Variants in SPPL3 observed in about 807,000 individuals in gnomAD.
The protein encoded by SPPL3 is signal peptide peptidase like 3.
In SPPL3, 5 loss-of-function variants were observed where a neutral mutation model predicts 42.4. The observed-to-expected ratio is 0.12, with a 90% CI of 0.06 to 0.25. The LOEUF (loss-of-function observed/expected upper bound fraction) is 0.25. Among genes scored for constraint, SPPL3 ranks in the 10% least tolerant of loss-of-function variants. SPPL3 has a pLI of 1.00. For missense variants in SPPL3, 235 were observed against 489.0 expected (o/e 0.48, Z 4.90); for synonymous variants, 195 against 181.8 (o/e 1.07, Z -0.58).
At chr12:120,804,516 T>C (rs1212546427) in intron 2 of SPPL3, among the ~76,000 whole-genome samples, 1 of 152,026 alleles carries the variant, frequency 6.6e-6, no homozygotes, top group Admixed American at 6.5e-5. Context: ...ATTAAGAAAA[T>C]GCAAACCAAA....
chr12:120,896,539 G>A (rs1400599158), intron 1 of SPPL3, among the ~76,000 whole-genome samples: 1 of 152,116 alleles, frequency 6.6e-6, no homozygotes, highest in East Asian at 1.9e-4. Flanking sequence ...ATTTTAGGAG[G>A]CTGAGGCAGG....
In SPPL3 at chr12:120,866,527, G is replaced by A. The variant is rs575492214; in HGVS notation, c.23+37318C>T. The stretch of plus-strand genomic sequence containing the variant: ...AGTAAGGCATAATTTACCTTGAAAA[G>A]ACACCTCCACACATGGCAAAGTTTA... On this transcript the variant is annotated intron_variant, in intron 1 of 10. Coordinates refer to ENST00000353487, the MANE Select transcript of SPPL3 (RefSeq NM_139015.5). 7.2e-5 allele frequency among the ~76,000 whole-genome samples: 11 copies of A among 151,816 alleles called. 1 individual carries two copies. The South Asian group carries it at 2.3e-3, about 32-fold the overall frequency.
At chr12:120,892,401 C>A (rs75197970) in intron 1 of SPPL3, among the ~76,000 whole-genome samples, 1 of 152,210 alleles carries the variant, frequency 6.6e-6, no homozygotes, top group East Asian at 1.9e-4. Context: ...CTGCGCCAAT[C>A]AGAAAGAAGG....
intron 1 of SPPL3, among the ~76,000 whole-genome samples, chr12:120,877,880 G>A (rs1236735356): frequency 3.9e-5 from 6 of 152,002 alleles, no homozygotes; most frequent in Admixed American, 2.0e-4. Flanking sequence ...GTGTAGGCTG[G>A]GCATGGTGGC....
At chr12:120,860,841 C>T (rs12822123) in intron 1 of SPPL3, among the ~76,000 whole-genome samples, 62,533 of 151,874 alleles carry the variant, frequency 0.41, 14,469 homozygotes, top group Middle Eastern at 0.56. Context: ...TACAGTCCTC[C>T]CTATCTTTGG....
rs141129718 is a variant in SPPL3 at position 120,783,285 on chromosome 12, C to T, written c.389+389G>A. On this transcript the variant is annotated intron_variant, in intron 5 of 10. Coordinates refer to ENST00000353487, the MANE Select transcript of SPPL3 (RefSeq NM_139015.5). ...TTAAGGTGTGAACACTAGGATTAAA[C>T]GCAAGTAGGTAGCATATCTAGGCCA... Among the ~76,000 whole-genome samples, 42 of 152,236 alleles carry T rather than the reference C, an allele frequency of 2.8e-4. No homozygotes were observed. In the East Asian group the frequency reaches 5.4e-3, roughly 20 times the overall value.
chr12:120,836,344 A>G (rs1871620015), intron 1 of SPPL3, among the ~76,000 whole-genome samples: 1 of 152,158 alleles, frequency 6.6e-6, no homozygotes, highest in Admixed American at 6.5e-5. Flanking sequence ...CATGCAAGGA[A>G]GTCCAGGCTC....
intron 1 of SPPL3, among the ~76,000 whole-genome samples, chr12:120,844,691 C>T (rs1388233527): frequency 1.3e-5 from 2 of 151,662 alleles, no homozygotes; most frequent in Non-Finnish European, 2.9e-5. Context: ...TTATGGCTGG[C>T]TTTTGTTTTT....
chr12:120,833,900 A>C (rs1871522851), intron 1 of SPPL3, among the ~76,000 whole-genome samples: 1 of 151,984 alleles, frequency 6.6e-6, no homozygotes, highest in Non-Finnish European at 1.5e-5. Flanking sequence ...GCTACAGCTG[A>C]AAACTGAGAT....
chr12:120,836,262 T>C (rs1028350172), intron 1 of SPPL3, among the ~76,000 whole-genome samples: 3 of 152,070 alleles, frequency 2.0e-5, no homozygotes, highest in Non-Finnish European at 4.4e-5. Flanking sequence ...AAGCAGGCTG[T>C]GCCAGTTTTA....
At chr12:120,842,351 G>A (rs911677481) in intron 1 of SPPL3, among the ~76,000 whole-genome samples, 1 of 152,100 alleles carries the variant, frequency 6.6e-6, no homozygotes, top group Admixed American at 6.5e-5. Context: ...TAAGATAAGG[G>A]CAGAACATTA....
chr12:120,795,258 T>C (rs1234229660), intron 2 of SPPL3, among the ~76,000 whole-genome samples: 1 of 152,232 alleles, frequency 6.6e-6, no homozygotes, highest in Non-Finnish European at 1.5e-5. Flanking sequence ...CAGTCAATTA[T>C]CTTTTACACA....
At chr12:120,774,264 TTTCC>T (rs1869228966) in intron 6 of SPPL3, among the ~76,000 whole-genome samples, 1 of 152,158 alleles carries the variant, frequency 6.6e-6, no homozygotes, top group African/African-American at 2.4e-5. Flanking sequence ...CTGTGTCTCC[TTTCC>T]CTCCCTCCCT....
intron 2 of SPPL3, among the ~76,000 whole-genome samples, chr12:120,807,659 A>G (rs1870543367): frequency 6.8e-6 from 1 of 146,298 alleles, no homozygotes; most frequent in African/African-American, 2.5e-5. Context: ...GGGCAACAAG[A>G]GCGAAACTCC....
chr12:120,831,943 C>T (rs2137018507), intron 1 of SPPL3, among the ~76,000 whole-genome samples: 1 of 152,326 alleles, frequency 6.6e-6, no homozygotes, highest in South Asian at 2.1e-4. Flanking sequence ...TCTCAGCTGA[C>T]ATAACATTTC....
intron 1 of SPPL3, among the ~76,000 whole-genome samples, chr12:120,871,216 G>A (rs745439428): frequency 6.7e-6 from 1 of 149,510 alleles, no homozygotes; most frequent in East Asian, 2.0e-4. Context: ...AATACCACAT[G>A]ACAGTACATT....
intron 1 of SPPL3, among the ~76,000 whole-genome samples, chr12:120,898,316 A>T (rs200201129): frequency 0.013 from 1,103 of 87,078 alleles, 1 homozygote; most frequent in South Asian, 0.026. Flanking sequence ...TTTTTTTTTA[A>T]AAAAAAAAAA....
intron 1 of SPPL3, among the ~76,000 whole-genome samples, chr12:120,898,446 T>C (rs991527194): frequency 4.0e-5 from 6 of 151,684 alleles, no homozygotes; most frequent in Admixed American, 2.0e-4. Flanking sequence ...TTGTTTATCG[T>C]CTGTCATCCC....
intron 1 of SPPL3, among the ~76,000 whole-genome samples, chr12:120,889,461 G>A (rs184901603): frequency 6.6e-6 from 1 of 152,340 alleles, no homozygotes; most frequent in Non-Finnish European, 1.5e-5. Context: ...ATGGCAGTGT[G>A]CCAGTTCTAA....
Sources: gnomAD v4.1 joint callset for allele counts (sites outside exome capture counted in the v4.1 genomes callset) on GRCh38, gnomAD v4.1.1 for gene constraint, MANE v1.5 for transcripts, NCBI Gene and HGNC (gene_info 2026-07-23, HGNC 2026-07-21) for gene names.